Variants in DIP2B observed in about 807,000 individuals in gnomAD.
DIP2B encodes disco-interacting protein 2 homolog B.
DIP2B carries 76 observed loss-of-function variants against 198.0 expected under a neutral mutation model. That is an observed-to-expected ratio of 0.38 (90% confidence interval 0.32 to 0.46). The LOEUF (loss-of-function observed/expected upper bound fraction) is 0.46, where lower values mean the gene tolerates loss of function less well. Ranked by LOEUF, DIP2B falls within the 20% of genes least tolerant of loss-of-function variation. The pLI is 0.99. For missense variants in DIP2B, 1,559 were observed against 1,978.4 expected (o/e 0.79, Z 4.02); for synonymous variants, 701 against 739.1 (o/e 0.95, Z 0.84).
At chr12:50,553,934 G>A (rs905941701) in intron 1 of DIP2B, among the ~76,000 whole-genome samples, 5 of 152,160 alleles carry the variant, frequency 3.3e-5, no homozygotes, top group African/African-American at 1.2e-4. Context: ...GATTGCAGGT[G>A]TCAGCCTGTG....
chr12:50,570,395 G>A (rs1958602321), intron 1 of DIP2B, among the ~76,000 whole-genome samples: 1 of 152,184 alleles, frequency 6.6e-6, no homozygotes, highest in Admixed American at 6.5e-5. Context: ...GCCAGTTGCT[G>A]ACATTTTGGT....
intron 1 of DIP2B, among the ~76,000 whole-genome samples, chr12:50,552,793 A>G (rs1353396300): frequency 6.6e-6 from 1 of 151,846 alleles, no homozygotes; most frequent in Admixed American, 6.6e-5. Context: ...TTCTTTTTTA[A>G]ACGTTTTTTA....
At chr12:50,597,305 G>C (rs577732417) in intron 1 of DIP2B, among the ~76,000 whole-genome samples, 114 of 152,252 alleles carry the variant, frequency 7.5e-4, no homozygotes, top group African/African-American at 2.6e-3. Flanking sequence ...AATATTTTAA[G>C]AAAAGGCATT....
At chr12:50,673,517 T>C (rs1353168220) in intron 5 of DIP2B, among the ~76,000 whole-genome samples, 1 of 152,200 alleles carries the variant, frequency 6.6e-6, no homozygotes, top group African/African-American at 2.4e-5. Flanking sequence ...CCTGGTGTGG[T>C]GGCACACGCC....
chr12:50,636,455 A>G (rs1040835564), intron 2 of DIP2B, among the ~76,000 whole-genome samples: 1 of 152,186 alleles, frequency 6.6e-6, no homozygotes, highest in African/African-American at 2.4e-5. Flanking sequence ...CTGCCCCCGT[A>G]TATCTCATCA....
chr12:50,638,057 A>G (rs1321979074), intron 2 of DIP2B, among the ~76,000 whole-genome samples: 3 of 152,220 alleles, frequency 2.0e-5, no homozygotes, highest in Non-Finnish European at 4.4e-5. Flanking sequence ...CATCATCACT[A>G]TTTAAACATA....
chr12:50,598,607 C>T (rs1958898804), intron 1 of DIP2B, among the ~76,000 whole-genome samples: 1 of 151,816 alleles, frequency 6.6e-6, no homozygotes, highest in Non-Finnish European at 1.5e-5. Context: ...AAGCAGCCTG[C>T]TCTCCTTTCT....
chr12:50,682,363 C>T (rs1018893924), intron 9 of DIP2B, among the ~76,000 whole-genome samples: 14 of 152,120 alleles, frequency 9.2e-5, no homozygotes, highest in Non-Finnish European at 7.4e-5. Flanking sequence ...GGGTGGCTCA[C>T]GCCTGCAATC....
At chr12:50,556,768 G>C (rs1193840686) in intron 1 of DIP2B, among the ~76,000 whole-genome samples, 1 of 151,758 alleles carries the variant, frequency 6.6e-6, no homozygotes, top group East Asian at 1.9e-4. Flanking sequence ...GGAGTGCAGT[G>C]GTGTGATCTT....
chr12:50,552,882 A>G (rs1958438817), intron 1 of DIP2B, among the ~76,000 whole-genome samples: 1 of 151,830 alleles, frequency 6.6e-6, no homozygotes, highest in Non-Finnish European at 1.5e-5. Flanking sequence ...ATTTTTTCCC[A>G]GAGTCTTCAG....
At position 50,719,709 on chromosome 12, in the gene DIP2B, C is replaced by T. The variant is rs185289759; in HGVS notation, c.3042+674C>T. ...TATAAAAATCAGCTGGGCGTGGTGG[C>T]GGGCACCTGTAATCCCAGCTACTCG... On this transcript the variant is annotated intron_variant, in intron 25 of 37. Coordinates refer to ENST00000301180, the MANE Select transcript of DIP2B (RefSeq NM_173602.3). Among the ~76,000 whole-genome samples, 214 of 151,470 alleles carry T rather than the reference C, an allele frequency of 1.4e-3. 4 individuals are homozygous for T. In the East Asian group the frequency reaches 0.037, roughly 27 times the overall value.
rs533571981 is a variant in DIP2B at position 50,578,320 on chromosome 12, C to T, written c.101-47656C>T. Among the ~76,000 whole-genome samples, 15 of 151,250 alleles carry T rather than the reference C, an allele frequency of 9.9e-5. 1 individual carries two copies. The highest frequency in any genetic ancestry group is 1.5e-4 in the African/African-American group (6 of 41,176). Reference sequence around the variant, plus strand: ...CTGTGGCCGGCCTTGTTTTATACTTCGAATGGATGTGTTACCCGTACATCT... The same window carrying T: ...CTGTGGCCGGCCTTGTTTTATACTTTGAATGGATGTGTTACCCGTACATCT... On this transcript the variant is annotated intron_variant, in intron 1 of 37. Coordinates refer to ENST00000301180, the MANE Select transcript of DIP2B (RefSeq NM_173602.3).
chr12:50,664,897 G>A (rs2139516882), intron 4 of DIP2B, among the ~76,000 whole-genome samples: 1 of 120,562 alleles, frequency 8.3e-6, no homozygotes, highest in East Asian at 2.8e-4. Flanking sequence ...CACCCAGGCT[G>A]GAGTATAGTG....
chr12:50,674,099 G>A (rs1260839350), intron 5 of DIP2B, among the ~76,000 whole-genome samples: 1 of 152,058 alleles, frequency 6.6e-6, no homozygotes, highest in Non-Finnish European at 1.5e-5. Context: ...AATATTAGTA[G>A]CCAGTTATGA....
intron 1 of DIP2B, among the ~76,000 whole-genome samples, chr12:50,577,285 A>C (rs1958670725): frequency 1.3e-5 from 2 of 152,280 alleles, no homozygotes; most frequent in Admixed American, 1.3e-4. Context: ...TAATCTCAGC[A>C]CTTTGGGAGG....
At chr12:50,577,617 A>G (rs1432012446) in intron 1 of DIP2B, among the ~76,000 whole-genome samples, 1 of 151,244 alleles carries the variant, frequency 6.6e-6, no homozygotes, top group Non-Finnish European at 1.5e-5. Flanking sequence ...TTATATTTAT[A>G]TATAATACAC....
At chr12:50,646,664 C>T (rs1442868557) in intron 3 of DIP2B, among the ~76,000 whole-genome samples, 1 of 152,126 alleles carries the variant, frequency 6.6e-6, no homozygotes, top group Non-Finnish European at 1.5e-5. Flanking sequence ...TCAAGTGATC[C>T]ACCCACCCTG....
intron 1 of DIP2B, among the ~76,000 whole-genome samples, chr12:50,585,781 C>T (rs1467422094): frequency 6.6e-6 from 1 of 152,180 alleles, no homozygotes; most frequent in Non-Finnish European, 1.5e-5. Context: ...GCAATTAATG[C>T]AGAGGTCAAG....
chr12:50,595,891 C>T (rs1345479067), intron 1 of DIP2B, among the ~76,000 whole-genome samples: 1 of 152,204 alleles, frequency 6.6e-6, no homozygotes, highest in Non-Finnish European at 1.5e-5. Context: ...TCTCCTCCTC[C>T]ACTCTCAGTC....
Sources: allele counts gnomAD v4.1 joint callset (sites outside exome capture counted in the v4.1 genomes callset), GRCh38; gene constraint gnomAD v4.1.1; transcripts MANE v1.5; gene names NCBI Gene and HGNC (gene_info 2026-07-23, HGNC 2026-07-21).